Variants in MYO16 observed in about 807,000 individuals in gnomAD.
MYO16 encodes the protein myosin XVI, also known as unconventional myosin-XVI.
A neutral mutation model predicts 205.3 loss-of-function variants in MYO16; 94 were observed. The ratio of observed to expected loss-of-function variants is 0.46; its 90% CI spans 0.39 to 0.54. The LOEUF (loss-of-function observed/expected upper bound fraction) is 0.54. Among genes scored for constraint, MYO16 ranks in the 20% least tolerant of loss-of-function variants. MYO16 has a pLI of 0.00. For missense variants in MYO16, 2,315 were observed against 2,387.5 expected (o/e 0.97, Z 0.63); for synonymous variants, 988 against 954.0 (o/e 1.04, Z -0.66).
rs147434846 is a variant in MYO16, at chr13:109,199,823, G to T, written c.5416-6786G>T. Reference sequence around the variant, plus strand: ...ACTGTGAATATCAAATAATGGTAAAGGAAGCCATGAGTGTTTTTGTTGTTA... The same window carrying T: ...ACTGTGAATATCAAATAATGGTAAATGAAGCCATGAGTGTTTTTGTTGTTA... On this transcript the variant is annotated intron_variant, in intron 34 of 34. Coordinates refer to ENST00000457511, the MANE Select transcript of MYO16 (RefSeq NM_001198950.3). 4.8e-3 allele frequency among the ~76,000 whole-genome samples: 737 copies of T among 152,230 alleles called. 8 individuals are homozygous for T. The highest frequency in any genetic ancestry group is 0.016 in the African/African-American group (682 of 41,552).
At chr13:108,631,468 T>C (rs182214942) in intron 1 of MYO16, among the ~76,000 whole-genome samples, 13 of 152,322 alleles carry the variant, frequency 8.5e-5, no homozygotes, top group Non-Finnish European at 1.8e-4. Context: ...GTGATGTCAA[T>C]TGGAGCCTGT....
At chr13:108,974,203 C>T (rs978771793) in intron 20 of MYO16, among the ~76,000 whole-genome samples, 5 of 152,040 alleles carry the variant, frequency 3.3e-5, no homozygotes, top group Admixed American at 3.3e-4. Context: ...TTCGGGTATC[C>T]AAGGATTTCA....
At chr13:109,193,838 C>A (rs1880032878) in intron 34 of MYO16, among the ~76,000 whole-genome samples, 1 of 152,164 alleles carries the variant, frequency 6.6e-6, no homozygotes, top group Non-Finnish European at 1.5e-5. Flanking sequence ...TCTCACAGAG[C>A]TTTTCTCTCT....
chr13:109,047,031 G>T, intron 24 of MYO16, 40 bp downstream of exon 24: 1 of 1,366,170 alleles, frequency 7.3e-7, no homozygotes, highest in Non-Finnish European at 1.0e-6. Context: ...TGGTTAAAAT[G>T]CCATGCATCC....
intron 1 of MYO16, among the ~76,000 whole-genome samples, chr13:108,631,881 C>T (rs890103193): frequency 6.6e-6 from 1 of 152,082 alleles, no homozygotes; most frequent in Non-Finnish European, 1.5e-5. Context: ...AGTTTAAGAC[C>T]AGTCTGGCCA....
At chr13:108,680,761 G>A (rs919654561) in intron 2 of MYO16, among the ~76,000 whole-genome samples, 2 of 152,152 alleles carry the variant, frequency 1.3e-5, no homozygotes, top group African/African-American at 2.4e-5. Flanking sequence ...GACCCCCAGT[G>A]GATCCAGCCT....
At chr13:108,802,942 G>C (rs983125206) in intron 6 of MYO16, among the ~76,000 whole-genome samples, 2 of 152,094 alleles carry the variant, frequency 1.3e-5, no homozygotes, top group Non-Finnish European at 2.9e-5. Flanking sequence ...TTATTCAGCT[G>C]TTTGAGGGGC....
chr13:108,758,217 C>T (rs377614914), intron 4 of MYO16, among the ~76,000 whole-genome samples: 2 of 152,200 alleles, frequency 1.3e-5, no homozygotes, highest in East Asian at 3.9e-4. Context: ...ATAAGCCACC[C>T]AGTCTAAGGT....
intron 27 of MYO16, among the ~76,000 whole-genome samples, chr13:109,090,875 T>C (rs772344387): frequency 6.6e-6 from 1 of 152,168 alleles, no homozygotes; most frequent in Non-Finnish European, 1.5e-5. Flanking sequence ...CTCTTTCTTA[T>C]CCTTCCCGGC....
chr13:108,878,861 C>G (rs1879457893), intron 12 of MYO16, among the ~76,000 whole-genome samples: 2 of 152,270 alleles, frequency 1.3e-5, no homozygotes, highest in African/African-American at 4.8e-5. Flanking sequence ...GTCACACATC[C>G]TGCGAGCAGG....
intron 15 of MYO16, among the ~76,000 whole-genome samples, chr13:108,901,628 T>C (rs75903313): frequency 6.6e-6 from 1 of 152,188 alleles, no homozygotes; most frequent in African/African-American, 2.4e-5. Flanking sequence ...TGCTCCACCT[T>C]TCTCCACTTT....
chr13:108,516,222 G>T, the MYO16 span, among the ~76,000 whole-genome samples: 1 of 151,954 alleles, frequency 6.6e-6, no homozygotes, highest in Non-Finnish European at 1.5e-5. Flanking sequence ...ATATTCGGGT[G>T]GGAGTGACCC....
chr13:108,750,132 G>A (rs1230144891), intron 4 of MYO16, among the ~76,000 whole-genome samples: 1 of 152,218 alleles, frequency 6.6e-6, no homozygotes, highest in Non-Finnish European at 1.5e-5. Flanking sequence ...GGTGAATGAA[G>A]CTTAGGGGAT....
At chr13:108,540,412 C>A in the MYO16 span, among the ~76,000 whole-genome samples, 29 of 152,072 alleles carry the variant, frequency 1.9e-4, no homozygotes. Context: ...GTGGATCAAG[C>A]CTTTGTTTTA....
upstream of MYO16, chr13:108,596,051 TC>T (rs1474317316): frequency 6.6e-6 from 1 of 151,790 alleles, no homozygotes; most frequent in Non-Finnish European, 1.5e-5. Flanking sequence ...AATGACTTTT[TC>T]TTTTTTGAAG....
chr13:108,708,093 C>T (rs886749999), intron 2 of MYO16, among the ~76,000 whole-genome samples: 5 of 152,130 alleles, frequency 3.3e-5, no homozygotes, highest in African/African-American at 4.8e-5. Context: ...GATTGAGAAG[C>T]CCGGAACTAG....
At chr13:108,905,427 C>T (rs552578058) in intron 15 of MYO16, among the ~76,000 whole-genome samples, 4 of 152,250 alleles carry the variant, frequency 2.6e-5, no homozygotes, top group African/African-American at 4.8e-5. Flanking sequence ...GGCCTCGGTG[C>T]ATCTTCATGA....
At chr13:109,102,125 A>G (rs1888987080) in intron 28 of MYO16, among the ~76,000 whole-genome samples, 1 of 151,976 alleles carries the variant, frequency 6.6e-6, no homozygotes, top group South Asian at 2.1e-4. Context: ...ATGAAATTTG[A>G]ACTTTAAATA....
chr13:109,019,688 C>A, intron 22 of MYO16, 23 bp from the exon 23 acceptor site: 2 of 1,580,566 alleles, frequency 1.3e-6, no homozygotes, highest in Admixed American at 3.4e-5. Flanking sequence ...CAAAACAACT[C>A]CCCATCTCTT....
Sources: allele counts gnomAD v4.1 joint callset (sites outside exome capture counted in the v4.1 genomes callset), GRCh38; gene constraint gnomAD v4.1.1; transcripts MANE v1.5; gene names NCBI Gene and HGNC (gene_info 2026-07-23, HGNC 2026-07-21).